ERBB4: variants seen among roughly 807,000 people sequenced by gnomAD.
ERBB4 encodes erb-b2 receptor tyrosine kinase 4.
A neutral mutation model predicts 158.0 loss-of-function variants in ERBB4; 42 were observed. That is an observed-to-expected ratio of 0.27 (90% CI 0.21 to 0.34). The LOEUF (loss-of-function observed/expected upper bound fraction) is 0.34, where lower values mean the gene tolerates loss of function less well. Among genes scored for constraint, ERBB4 ranks in the 10% least tolerant of loss-of-function variants. The pLI is 1.00. For synonymous variants in ERBB4, 583 were observed against 558.7 expected, an observed-to-expected ratio of 1.04 and a Z score of -0.61; for missense variants, 1,333 against 1,624.1, an observed-to-expected ratio of 0.82 and a Z score of 3.08.
intron 1 of ERBB4, among the ~76,000 whole-genome samples, chr2:212,399,046 C>T (rs1371436042): frequency 6.6e-6 from 1 of 152,004 alleles, no homozygotes; most frequent in African/African-American, 2.4e-5. Flanking sequence ...TGGGTTCAAG[C>T]GATTCTCTTA....
chr2:211,663,551 T>C (rs2071511382), intron 15 of ERBB4, among the ~76,000 whole-genome samples: 1 of 152,126 alleles, frequency 6.6e-6, no homozygotes, highest in African/African-American at 2.4e-5. Context: ...TAAACTAATC[T>C]CTTTTCATTG....
chr2:211,735,780 A>G (rs2074579109), intron 5 of ERBB4, among the ~76,000 whole-genome samples: 1 of 152,046 alleles, frequency 6.6e-6, no homozygotes, highest in Admixed American at 6.5e-5. Flanking sequence ...GAGTTATACC[A>G]CAAGCACATT....
chr2:211,496,269 G>T (rs6746949), intron 20 of ERBB4, among the ~76,000 whole-genome samples: 65,549 of 151,510 alleles, frequency 0.43, 15,258 homozygotes, highest in African/African-American at 0.62. Flanking sequence ...ATGCCCATGA[G>T]TCCTAAATGT....
At chr2:212,429,561 T>C (rs1292284648) in intron 1 of ERBB4, among the ~76,000 whole-genome samples, 4 of 152,248 alleles carry the variant, frequency 2.6e-5, no homozygotes, top group Non-Finnish European at 5.9e-5. Context: ...TACTAAGTTC[T>C]TATGCCCACG....
chr2:211,576,410 G>T (rs1219136828), intron 19 of ERBB4, among the ~76,000 whole-genome samples: 9 of 152,060 alleles, frequency 5.9e-5, no homozygotes, highest in African/African-American at 1.9e-4. Flanking sequence ...TGGTATCTTG[G>T]GTTTCCATAA....
intron 4 of ERBB4, among the ~76,000 whole-genome samples, chr2:211,783,397 A>G (rs1384637495): frequency 6.6e-6 from 1 of 152,234 alleles, no homozygotes; most frequent in Non-Finnish European, 1.5e-5. Context: ...AGAACTTCCA[A>G]CACTGTATTG....
rs553941098 is a variant in ERBB4, at chr2:212,059,455, A to G, written c.234+65297T>C. Among the ~76,000 whole-genome samples the G allele has an allele frequency of 3.9e-5, 6 of 152,336 alleles. No homozygotes were observed. The East Asian group carries it at 1.2e-3, about 29-fold the overall frequency. On this transcript the variant is annotated intron_variant, in intron 2 of 27. Transcript: ENST00000342788. ...TGGAAAAAACTGCTTTAAAGTTCAT[A>G]TGGAACCAAAAAAGAGCCCACATTG...
intron 20 of ERBB4, among the ~76,000 whole-genome samples, chr2:211,489,840 AG>A (rs2065294722): frequency 6.6e-6 from 1 of 152,078 alleles, no homozygotes; most frequent in Non-Finnish European, 1.5e-5. Context: ...CACATCAAGG[AG>A]ATATAAATAG....
chr2:212,186,765 T>C (rs1385940302), intron 1 of ERBB4, among the ~76,000 whole-genome samples: 3 of 152,132 alleles, frequency 2.0e-5, no homozygotes, highest in African/African-American at 4.8e-5. Flanking sequence ...TAAATGAACA[T>C]ACTCAACAAT....
At chr2:211,937,327 A>T (rs181025227) in intron 3 of ERBB4, among the ~76,000 whole-genome samples, 1,687 of 152,190 alleles carry the variant, frequency 0.011, 31 homozygotes, top group African/African-American at 0.038. Flanking sequence ...TAATTTTTTT[A>T]AAAAAACTTT....
chr2:212,515,587 T>C lies in ERBB4; in HGVS notation c.82+22862A>G, dbSNP rs201293104. ...GACTACTATATCCAGGAAATAACAT[T>C]TATATTTCACATATCTCTATATGAA... On this transcript the variant is annotated intron_variant, in intron 1 of 27. Transcript: ENST00000342788. Among the ~76,000 whole-genome samples the C allele has an allele frequency of 1.2e-4, 18 of 152,026 alleles. No homozygotes were observed. The East Asian group carries it at 3.5e-3, about 29-fold the overall frequency.
intron 3 of ERBB4, among the ~76,000 whole-genome samples, chr2:211,919,856 C>T (rs1403172403): frequency 6.6e-6 from 1 of 151,936 alleles, no homozygotes; most frequent in African/African-American, 2.4e-5. Context: ...ATTCTATGAC[C>T]TCTTCCAAAT....
At chr2:212,085,981 T>A (rs981734966) in intron 2 of ERBB4, among the ~76,000 whole-genome samples, 3 of 151,946 alleles carry the variant, frequency 2.0e-5, no homozygotes, top group African/African-American at 7.2e-5. Flanking sequence ...ACACCTATTG[T>A]GTCTAATGAG....
chr2:212,120,747 T>A (rs1408993372), intron 2 of ERBB4, among the ~76,000 whole-genome samples: 1 of 152,188 alleles, frequency 6.6e-6, no homozygotes, highest in East Asian at 1.9e-4. Flanking sequence ...TGACTATTGA[T>A]CCTCTAAATA....
At chr2:212,436,984 T>C (rs2092151259) in intron 1 of ERBB4, among the ~76,000 whole-genome samples, 1 of 151,930 alleles carries the variant, frequency 6.6e-6, no homozygotes, top group African/African-American at 2.4e-5. Context: ...CAGAGGATTT[T>C]AGTACAAGCA....
chr2:212,140,236 T>A (rs76482696), intron 1 of ERBB4, among the ~76,000 whole-genome samples: 4 of 151,008 alleles, frequency 2.6e-5, no homozygotes, highest in African/African-American at 9.7e-5. Context: ...AGATACTTTT[T>A]AAGAATATAT....
At chr2:211,560,967 A>G (rs1377580811) in intron 20 of ERBB4, among the ~76,000 whole-genome samples, 1 of 152,234 alleles carries the variant, frequency 6.6e-6, no homozygotes, top group Non-Finnish European at 1.5e-5. Context: ...ACAAACGTAT[A>G]GATAAAAATA....
At chr2:211,701,748 C>G (rs926367412) in intron 12 of ERBB4, among the ~76,000 whole-genome samples, 8 of 110,506 alleles carry the variant, frequency 7.2e-5, no homozygotes, top group African/African-American at 3.1e-4. Context: ...CAGAGCGAGA[C>G]TCCGTCTCAA....
At chr2:211,504,209 A>T (rs1490288063) in intron 20 of ERBB4, among the ~76,000 whole-genome samples, 1 of 152,140 alleles carries the variant, frequency 6.6e-6, no homozygotes, top group Non-Finnish European at 1.5e-5. Flanking sequence ...ACTGAGAAAT[A>T]AGATAAGGCT....
Sources: allele counts gnomAD v4.1 joint callset (sites outside exome capture counted in the v4.1 genomes callset), GRCh38; gene constraint gnomAD v4.1.1; transcripts MANE v1.5; gene names NCBI Gene and HGNC (gene_info 2026-07-23, HGNC 2026-07-21).